The following PFKM variants were observed in gnomAD, a reference collection of about 807,000 sequenced individuals.
PFKM encodes the protein phosphofructokinase, muscle, also known as ATP-dependent 6-phosphofructokinase, muscle type.
PFKM carries 58 observed loss-of-function variants against 95.5 expected under a neutral mutation model. The observed-to-expected ratio is 0.61, with a 90% CI of 0.49 to 0.76. The LOEUF (loss-of-function observed/expected upper bound fraction) is 0.76. PFKM is among the 30% of genes least tolerant of loss of function. PFKM has a pLI of 0.00. For missense variants in PFKM, 678 were observed against 1,005.4 expected, an observed-to-expected ratio of 0.67 and a Z score of 4.40; for synonymous variants, 336 against 357.2, an observed-to-expected ratio of 0.94 and a Z score of 0.67.
intron 2 of PFKM, chr12:48,125,183 A>G: frequency 3.6e-6 from 1 of 281,498 alleles, no homozygotes; most frequent in South Asian, 2.7e-5. Flanking sequence ...TCAGCCGCCA[A>G]AACTATGCTA....
intron 2 of PFKM, chr12:48,125,391 G>A (rs1279692372): frequency 1.8e-5 from 8 of 440,492 alleles, no homozygotes; most frequent in South Asian, 1.3e-4. Flanking sequence ...GGAGGCCGAG[G>A]CGGGCAGATC....
intron 3 of PFKM, among the ~76,000 whole-genome samples, chr12:48,109,462 A>G (rs1946997396): frequency 1.3e-5 from 2 of 152,226 alleles, no homozygotes; most frequent in South Asian, 4.1e-4. Flanking sequence ...GCAGCAAGAA[A>G]TAAACCCAGC....
chr12:48,112,711 T>G (rs1409572324), intron 3 of PFKM, among the ~76,000 whole-genome samples: 7 of 152,090 alleles, frequency 4.6e-5, no homozygotes, highest in Non-Finnish European at 1.0e-4. Flanking sequence ...GCAAGACAAT[T>G]TGGTTGATAA....
upstream of PFKM, chr12:48,105,905 G>A (rs1946527025): frequency 3.2e-6 from 2 of 627,568 alleles, no homozygotes; most frequent in East Asian, 5.5e-5. Context: ...AAAAGGCGCC[G>A]GCCCCACAGT....
chr12:48,109,038 T>C (rs1429151571), intron 3 of PFKM, among the ~76,000 whole-genome samples: 1 of 152,228 alleles, frequency 6.6e-6, no homozygotes, highest in Non-Finnish European at 1.5e-5. Flanking sequence ...ACTCACTATT[T>C]GAAATCATTG....
chr12:48,114,085 T>A (rs527247986), intron 3 of PFKM, among the ~76,000 whole-genome samples: 1 of 152,142 alleles, frequency 6.6e-6, no homozygotes, highest in East Asian at 1.9e-4. Flanking sequence ...GATAGTTCCA[T>A]TGGGGATCGC....
In PFKM at chr12:48,141,768, A is replaced by T; in HGVS notation, c.1441A>T (p.Ile481Phe). ...TCTACCCAAGAAGAGCTTTGAACAG[A>T]TCAGTGCCAATATAACTAAGTTTAA... ...RTLPKKSFEQ[I>F]SANITKFNIQ... The change falls in exon 16 of 23, where the codon ATC becomes TTC. Residue 481 changes from isoleucine (I) to phenylalanine (F), a missense_variant. Ile to Phe is a conservative substitution (Grantham distance 21, BLOSUM62 0). Coordinates refer to ENST00000359794, the MANE Select transcript of PFKM (RefSeq NM_000289.6). The T allele has an allele frequency of 6.2e-7, 1 of 1,613,690 alleles. No homozygotes were observed.
rs1387680076 is a variant in PFKM at position 48,111,843 on chromosome 12, C to T, written c.205+3649C>T. On this transcript the variant is annotated intron_variant, in intron 3 of 24. Transcript: ENST00000340802. Reference sequence around the variant, plus strand: ...ACAATGGTAATTGTGGGATACTCAACAAAGAGTGAGTATAGCTGAAGGAGC... The same window carrying T: ...ACAATGGTAATTGTGGGATACTCAATAAAGAGTGAGTATAGCTGAAGGAGC... Among the ~76,000 whole-genome samples, 3 of 152,022 alleles carry T rather than the reference C, an allele frequency of 2.0e-5. No homozygotes were observed. The East Asian group carries it at 5.8e-4, about 29-fold the overall frequency.
Position 48,130,542 on chromosome 12 carries a change from T to C in PFKM, c.159+106T>C. The C allele has an allele frequency of 6.8e-6, 6 of 876,978 alleles. No individual in the cohort carries two copies. The South Asian group carries it at 7.9e-5, about 11-fold the overall frequency. The allele number at this position is 876,978 out of a possible 1,614,324, so 54.3% of individuals were successfully genotyped here. On this transcript the variant is annotated intron_variant, in intron 3 of 22. Transcript: ENST00000359794. ...GTCCTTACCTCCCAGTTAGTTACAT[T>C]GCTGTGTTTGATTTTCCTTGACTCC...
chr12:48,105,389 T>C (rs1166670874), upstream of PFKM: 1 of 518,734 alleles, frequency 1.9e-6, no homozygotes, highest in South Asian at 1.4e-5. Context: ...AAGAGACGGT[T>C]CAAGGGAATT....
chr12:48,116,056 C>T (rs1301570567), upstream of PFKM, among the ~76,000 whole-genome samples: 1 of 152,126 alleles, frequency 6.6e-6, no homozygotes, highest in Non-Finnish European at 1.5e-5. Flanking sequence ...ACCAGCAATG[C>T]AGAAGGGTTC....
At chr12:48,116,046 ACCAGCAATGCAGAAGGGTT>A (rs1383082420), upstream of PFKM, among the ~76,000 whole-genome samples, 2 of 152,116 alleles carry the variant, frequency 1.3e-5, no homozygotes, top group Non-Finnish European at 2.9e-5. Context: ...TTACATTCCT[ACCAGCAATGCAGAAGGGTT>A]CCAATTTGTT....
upstream of PFKM, chr12:48,105,748 G>A (rs1489919642): frequency 1.1e-5 from 6 of 541,872 alleles, no homozygotes; most frequent in Admixed American, 1.6e-4. Context: ...GGGGCCTGCT[G>A]TAACGGCAGG....
At chr12:48,128,853 G>T (rs1475245073) in intron 2 of PFKM, among the ~76,000 whole-genome samples, 1 of 152,180 alleles carries the variant, frequency 6.6e-6, no homozygotes, top group Non-Finnish European at 1.5e-5. Context: ...GTCTAAGAGA[G>T]ACTGGCTAAA....
Position 48,142,060 on chromosome 12 carries a change from C to A in PFKM, c.1647C>A (p.Ile549=), listed in dbSNP as rs780042405. 2.5e-6 allele frequency: 4 copies of A among 1,614,120 alleles called. No individual in the cohort carries two copies. The highest frequency in any genetic ancestry group is 1.3e-5 in the African/African-American group (1 of 75,062). ...SVGADTALNT[I]CTTCDRIKQS... ...GGGCTGACACAGCACTCAATACTAT[C>A]TGCACAGTGAGAGCCTATCACCACT... Residue 549 remains isoleucine, a synonymous_variant, in exon 17 of 23, where the codon ATC becomes ATA. Coordinates refer to ENST00000359794, the MANE Select transcript of PFKM (RefSeq NM_000289.6).
At chr12:48,140,329 G>A (rs1026285244) in intron 13 of PFKM, among the ~76,000 whole-genome samples, 11 of 152,082 alleles carry the variant, frequency 7.2e-5, no homozygotes, top group Non-Finnish European at 1.3e-4. Context: ...CAAACTCCTG[G>A]GCCCCTCTCT....
chr12:48,113,189 G>A (rs1947359704), intron 3 of PFKM, among the ~76,000 whole-genome samples: 1 of 152,298 alleles, frequency 6.6e-6, no homozygotes, highest in South Asian at 2.1e-4. Flanking sequence ...GAGTTGGGGA[G>A]TTTTAAGGGG....
Position 48,122,794 on chromosome 12 carries a change from A to G in PFKM, c.20A>G (p.His7Arg). 1 of 1,614,144 alleles carries G rather than the reference A, an allele frequency of 6.2e-7. No individual in the cohort carries two copies. The highest frequency in any genetic ancestry group is 8.5e-7 in the Non-Finnish European group (1 of 1,179,984). ...TGGATCATGACCCATGAAGAGCACC[A>G]TGCAGCCAAAACCCTGGGGATTGGC... Reference protein sequence around the residue: MTHEEHHAAKTLGIGKA... With the variant: MTHEEHRAAKTLGIGKA... Residue 7 changes from histidine (H) to arginine (R), a missense_variant, in exon 2 of 23, where the codon CAT (histidine) becomes CGT (arginine). His to Arg is a conservative substitution (Grantham distance 29). Coordinates refer to ENST00000359794, the MANE Select transcript of PFKM (RefSeq NM_000289.6).
At chr12:48,111,755 T>A (rs1245883201) in intron 3 of PFKM, among the ~76,000 whole-genome samples, 2 of 151,978 alleles carry the variant, frequency 1.3e-5, no homozygotes, top group Non-Finnish European at 2.9e-5. Context: ...AGAGAGACAG[T>A]CATGGGGGTC....
Sources: gnomAD v4.1 joint callset for allele counts (sites outside exome capture counted in the v4.1 genomes callset) on GRCh38, gnomAD v4.1.1 for gene constraint, MANE v1.5 for transcripts, NCBI Gene and HGNC (gene_info 2026-07-23, HGNC 2026-07-21) for gene names.